Variants in MSH3 observed in about 807,000 individuals in gnomAD.
MSH3 encodes the protein mutS homolog 3.
In MSH3, 106 loss-of-function variants were observed where a neutral mutation model predicts 123.3. That is an observed-to-expected ratio of 0.86 (90% confidence interval 0.73 to 1.01). The LOEUF (loss-of-function observed/expected upper bound fraction) is 1.01. MSH3 is among the 50% of genes least tolerant of loss of function. The probability of loss-of-function intolerance (pLI) is 0.00; values close to 1 mark genes in which losing one functional copy is unlikely to be tolerated. For synonymous variants in MSH3, 515 were observed against 481.4 expected (o/e 1.07, Z -0.91); for missense variants, 1,459 against 1,347.6 (o/e 1.08, Z -1.29).
At chr5:80,658,771 A>G (rs1749356133) in intron 2 of MSH3, among the ~76,000 whole-genome samples, 1 of 139,294 alleles carries the variant, frequency 7.2e-6, no homozygotes, top group African/African-American at 2.7e-5. Context: ...AAAAATATAT[A>G]TATTTTTTTA....
At chr5:80,758,067 A>G (rs957730765) in intron 12 of MSH3, among the ~76,000 whole-genome samples, 2 of 152,250 alleles carry the variant, frequency 1.3e-5, no homozygotes, top group East Asian at 3.9e-4. Flanking sequence ...GTGCTTTCTC[A>G]ATGCAACCTA....
At chr5:80,797,940 G>A (rs1744726742) in intron 19 of MSH3, among the ~76,000 whole-genome samples, 2 of 151,998 alleles carry the variant, frequency 1.3e-5, no homozygotes, top group South Asian at 2.1e-4. Context: ...AGGATTGTTT[G>A]TTAAACCAAA....
chr5:80,690,920 A>G (rs954582312), intron 8 of MSH3, among the ~76,000 whole-genome samples: 1 of 152,056 alleles, frequency 6.6e-6, no homozygotes, highest in Non-Finnish European at 1.5e-5. Context: ...CTGTTTATAG[A>G]TAATCTGTCT....
At chr5:80,786,607 A>G (rs941369051) in intron 17 of MSH3, among the ~76,000 whole-genome samples, 3 of 152,168 alleles carry the variant, frequency 2.0e-5, no homozygotes, top group Non-Finnish European at 2.9e-5. Flanking sequence ...GCTCAGCTAT[A>G]TATTTCCTGT....
intron 7 of MSH3, among the ~76,000 whole-genome samples, chr5:80,677,084 A>G (rs1383885157): frequency 2.0e-5 from 3 of 152,212 alleles, no homozygotes; most frequent in Non-Finnish European, 4.4e-5. Flanking sequence ...GAACAGAGAT[A>G]CTTAGAATTT....
intron 2 of MSH3, among the ~76,000 whole-genome samples, chr5:80,658,348 T>C (rs1749344314): frequency 6.6e-6 from 1 of 152,190 alleles, no homozygotes; most frequent in Admixed American, 6.5e-5. Context: ...CGTGAGCCAC[T>C]GCACCCGGCC....
chr5:80,670,907 G>A (rs1580550849), intron 4 of MSH3, among the ~76,000 whole-genome samples: 1 of 152,032 alleles, frequency 6.6e-6, no homozygotes, highest in Non-Finnish European at 1.5e-5. Flanking sequence ...ATCACTTGAG[G>A]TCAGGAGTTT....
intron 20 of MSH3, among the ~76,000 whole-genome samples, chr5:80,850,166 A>G (rs1036591826): frequency 1.3e-5 from 2 of 152,166 alleles, no homozygotes; most frequent in African/African-American, 4.8e-5. Context: ...CCTCATTTCC[A>G]TCTGAGACCA....
intron 8 of MSH3, among the ~76,000 whole-genome samples, chr5:80,712,245 TC>T (rs1236659635): frequency 6.6e-6 from 1 of 152,212 alleles, no homozygotes; most frequent in South Asian, 2.1e-4. Flanking sequence ...AATCCTGTAA[TC>T]CATTTTTTCT....
At chr5:80,841,808 C>A (rs1745629929) in intron 20 of MSH3, among the ~76,000 whole-genome samples, 1 of 152,020 alleles carries the variant, frequency 6.6e-6, no homozygotes, top group Non-Finnish European at 1.5e-5. Context: ...GATATTAGCC[C>A]TTTGTCAGAT....
chr5:80,786,102 C>T (rs1029427460), intron 17 of MSH3, among the ~76,000 whole-genome samples: 3 of 151,732 alleles, frequency 2.0e-5, no homozygotes, highest in Admixed American at 2.0e-4. Flanking sequence ...TGTAACTAAC[C>T]TGCACATTGT....
At chr5:80,833,130 T>C (rs905529092) in intron 20 of MSH3, among the ~76,000 whole-genome samples, 11 of 152,198 alleles carry the variant, frequency 7.2e-5, no homozygotes, top group Admixed American at 2.0e-4. Context: ...ATAAGGGTTA[T>C]AGGCGAGGAG....
At chr5:80,747,467 C>G (rs1561464552) in intron 12 of MSH3, among the ~76,000 whole-genome samples, 1 of 152,070 alleles carries the variant, frequency 6.6e-6, no homozygotes, top group South Asian at 2.1e-4. Context: ...TGATGTTAGC[C>G]AAAAACAAAC....
intron 1 of MSH3, 86 bp from the exon 2 acceptor site, chr5:80,656,325 T>A: frequency 6.4e-7 from 1 of 1,554,878 alleles, no homozygotes; most frequent in Admixed American, 1.7e-5. Context: ...ACCTTGTCAT[T>A]CAGTTGTAAG....
intron 2 of MSH3, among the ~76,000 whole-genome samples, chr5:80,660,327 A>G (rs1037691150): frequency 6.6e-6 from 1 of 152,122 alleles, no homozygotes; most frequent in Non-Finnish European, 1.5e-5. Context: ...TGATAAACCC[A>G]TCAGATTTCA....
chr5:80,663,620 G>A (rs538436338), intron 2 of MSH3, among the ~76,000 whole-genome samples: 1 of 151,896 alleles, frequency 6.6e-6, no homozygotes, highest in South Asian at 2.1e-4. Flanking sequence ...TTTTTGAAGA[G>A]CGATACAAAT....
At chr5:80,771,124 GA>G (rs1023075461) in intron 15 of MSH3, among the ~76,000 whole-genome samples, 23 of 152,000 alleles carry the variant, frequency 1.5e-4, no homozygotes, top group African/African-American at 5.5e-4. Context: ...AGAACCTTTT[GA>G]AAAAAATAAT....
intron 8 of MSH3, among the ~76,000 whole-genome samples, chr5:80,720,174 G>C (rs533658365): frequency 6.6e-6 from 1 of 152,144 alleles, no homozygotes; most frequent in East Asian, 1.9e-4. Flanking sequence ...TGGCAACTCT[G>C]TTTTTCTTTC....
chr5:80,868,003 A>G (rs910630943), intron 22 of MSH3, among the ~76,000 whole-genome samples: 6 of 152,138 alleles, frequency 3.9e-5, no homozygotes, highest in Non-Finnish European at 8.8e-5. Context: ...GCCCGTTCCT[A>G]TGTACAGAAT....
Sources: gnomAD v4.1 joint callset for allele counts (sites outside exome capture counted in the v4.1 genomes callset) on GRCh38, gnomAD v4.1.1 for gene constraint, MANE v1.5 for transcripts, NCBI Gene and HGNC (gene_info 2026-07-23, HGNC 2026-07-21) for gene names.